The following ARSB variants were observed in gnomAD, a reference collection of about 807,000 sequenced individuals.
ARSB encodes the protein arylsulfatase B, also known as N-acetylgalactosamine-4-sulfatase.
In ARSB, 41 loss-of-function variants were observed where a neutral mutation model predicts 50.9. The ratio of observed to expected loss-of-function variants is 0.81; its 90% CI spans 0.63 to 1.04. The LOEUF (loss-of-function observed/expected upper bound fraction) is 1.04. ARSB is among the 50% of genes least tolerant of loss of function. ARSB has a pLI of 0.00. For missense variants in ARSB, 672 were observed against 693.3 expected (o/e 0.97, Z 0.35); for synonymous variants, 269 against 284.8 (o/e 0.94, Z 0.56).
intron 1 of ARSB, among the ~76,000 whole-genome samples, chr5:78,970,972 A>G (rs1378447975): frequency 6.6e-6 from 1 of 152,158 alleles, no homozygotes; most frequent in Admixed American, 6.5e-5. Context: ...TCTCAAAAAG[A>G]GAAAGAAAGA....
intron 6 of ARSB, among the ~76,000 whole-genome samples, chr5:78,832,610 C>A (rs1744741780): frequency 6.6e-6 from 1 of 152,140 alleles, no homozygotes; most frequent in African/African-American, 2.4e-5. Context: ...ACTCTTGGAT[C>A]TCAAGCATGG....
At chr5:78,891,273 T>G (rs1463445088) in intron 4 of ARSB, among the ~76,000 whole-genome samples, 4 of 152,200 alleles carry the variant, frequency 2.6e-5, no homozygotes, top group African/African-American at 9.7e-5. Context: ...TACTGCTGCT[T>G]AAACTATAGG....
intron 4 of ARSB, among the ~76,000 whole-genome samples, chr5:78,945,134 G>A (rs531575900): frequency 7.7e-4 from 117 of 152,314 alleles, no homozygotes; most frequent in Non-Finnish European, 1.5e-3. Flanking sequence ...GAAAAGCGCA[G>A]TATTAGGGTG....
At chr5:78,884,594 G>A (rs1747919007) in intron 5 of ARSB, 1 of 152,054 alleles carries the variant, frequency 6.6e-6, no homozygotes, top group African/African-American at 2.4e-5. Flanking sequence ...ACCCCAAACA[G>A]AGCTGTAACA....
chr5:78,831,666 T>C (rs1014209037), intron 6 of ARSB, among the ~76,000 whole-genome samples: 7 of 152,126 alleles, frequency 4.6e-5, no homozygotes, highest in African/African-American at 1.7e-4. Flanking sequence ...AGCTCTGATA[T>C]TTAACAGCAT....
At chr5:78,842,384 T>C (rs1745264548) in intron 5 of ARSB, among the ~76,000 whole-genome samples, 2 of 152,142 alleles carry the variant, frequency 1.3e-5, no homozygotes, top group South Asian at 2.1e-4. Flanking sequence ...GCAGAGACAA[T>C]GGTCATTAGA....
At chr5:78,846,015 GTCTTATATTTAAGTCATTAACCCATT>G (rs1745427918) in intron 5 of ARSB, among the ~76,000 whole-genome samples, 1 of 152,040 alleles carries the variant, frequency 6.6e-6, no homozygotes, top group African/African-American at 2.4e-5. Context: ...ATAGCTTCAG[GTCTTATATTTAAGTCATTAACCCATT>G]TTGAGTTGAT....
intron 6 of ARSB, among the ~76,000 whole-genome samples, chr5:78,821,633 G>A (rs1240227266): frequency 6.6e-6 from 1 of 152,198 alleles, no homozygotes; most frequent in Non-Finnish European, 1.5e-5. Context: ...ATTGAGCACT[G>A]CTAAATTCAG....
intron 4 of ARSB, among the ~76,000 whole-genome samples, chr5:78,932,482 A>AG (rs1750373201): frequency 6.6e-6 from 1 of 152,204 alleles, no homozygotes; most frequent in Non-Finnish European, 1.5e-5. Context: ...AACCCTTTCC[A>AG]GCTCTATCTT....
At chr5:78,956,363 T>C (rs996288781) in intron 3 of ARSB, among the ~76,000 whole-genome samples, 13 of 151,956 alleles carry the variant, frequency 8.6e-5, no homozygotes, top group Non-Finnish European at 1.6e-4. Context: ...TGTAGGAAAT[T>C]GTGGGGGAGA....
intron 6 of ARSB, among the ~76,000 whole-genome samples, chr5:78,789,668 T>C (rs1034273966): frequency 6.6e-6 from 1 of 152,142 alleles, no homozygotes; most frequent in Non-Finnish European, 1.5e-5. Context: ...AGGACTCAAT[T>C]TGTACTATAA....
intron 6 of ARSB, among the ~76,000 whole-genome samples, chr5:78,810,350 C>T (rs1743760896): frequency 2.0e-5 from 3 of 152,294 alleles, no homozygotes; most frequent in African/African-American, 7.2e-5. Context: ...TGTGAAATGA[C>T]AGGTAAAAAC....
intron 6 of ARSB, among the ~76,000 whole-genome samples, chr5:78,803,873 C>T (rs1201903212): frequency 2.0e-5 from 3 of 152,218 alleles, no homozygotes; most frequent in African/African-American, 4.8e-5. Context: ...ATTTATTGAA[C>T]ACCTACTTTG....
At chr5:78,846,845 C>G (rs1745466599) in intron 5 of ARSB, among the ~76,000 whole-genome samples, 2 of 152,144 alleles carry the variant, frequency 1.3e-5, no homozygotes, top group Non-Finnish European at 2.9e-5. Flanking sequence ...AGGGGAAAGG[C>G]TGTCAACTTT....
At chr5:78,957,794 A>C (rs1751799497) in intron 3 of ARSB, among the ~76,000 whole-genome samples, 1 of 151,994 alleles carries the variant, frequency 6.6e-6, no homozygotes, top group Non-Finnish European at 1.5e-5. Context: ...TCTGGAGGGA[A>C]GAACGTGCAG....
rs752554312 is a variant in ARSB at position 78,982,544 on chromosome 5, T to C, written c.312+2393A>G. 1.2e-3 allele frequency among the ~76,000 whole-genome samples: 181 copies of C among 152,338 alleles called. 3 individuals carry two copies. Among genetic ancestry groups the C allele is most frequent in the Non-Finnish European group, 3.1e-4 (21 of 68,030 alleles). On this transcript the variant is annotated intron_variant, in intron 1 of 7. Coordinates refer to ENST00000264914, the MANE Select transcript of ARSB (RefSeq NM_000046.5). Reference sequence around the variant, plus strand: ...TATAGGCATCAACCCTAGGGCCACGTGCCCTGGGTCAAATCCTGGTCCAAC... The same window carrying C: ...TATAGGCATCAACCCTAGGGCCACGCGCCCTGGGTCAAATCCTGGTCCAAC...
At chr5:78,980,710 CTGAA>C (rs1340212444) in intron 1 of ARSB, among the ~76,000 whole-genome samples, 1 of 136,904 alleles carries the variant, frequency 7.3e-6, no homozygotes, top group African/African-American at 3.1e-5. Flanking sequence ...AACATAGGAA[CTGAA>C]TGTCTAAGGA....
chr5:78,871,256 G>A (rs1747153838), intron 5 of ARSB, among the ~76,000 whole-genome samples: 2 of 151,986 alleles, frequency 1.3e-5, no homozygotes, highest in African/African-American at 2.4e-5. Context: ...TAATTTACAG[G>A]TTCAATGCCA....
Position 78,945,923 on chromosome 5 carries a change from T to C in ARSB, c.898+9372A>G, listed in dbSNP as rs371204833. Among the ~76,000 whole-genome samples the C allele has an allele frequency of 1.6e-4, 24 of 152,310 alleles. No homozygotes were observed. The South Asian group carries it at 4.8e-3, about 30-fold the overall frequency. ...CCTGGGCTCTGAGAGGTGGCTCTTATTGTGTGCAGACAGCACCCTGGGCTT... is the reference window on the plus strand; with the variant it reads ...CCTGGGCTCTGAGAGGTGGCTCTTACTGTGTGCAGACAGCACCCTGGGCTT... On this transcript the variant is annotated intron_variant, in intron 4 of 7. Transcript: ENST00000264914.
Sources: gnomAD v4.1 joint callset for allele counts (sites outside exome capture counted in the v4.1 genomes callset) on GRCh38, gnomAD v4.1.1 for gene constraint, MANE v1.5 for transcripts, NCBI Gene and HGNC (gene_info 2026-07-23, HGNC 2026-07-21) for gene names.